The following ABCB1 variants were observed in gnomAD, a reference collection of about 807,000 sequenced individuals.
The protein encoded by ABCB1 is ATP-dependent translocase ABCB1.
In ABCB1, 69 loss-of-function variants were observed where a neutral mutation model predicts 142.0. The observed-to-expected ratio is 0.49, with a 90% CI of 0.40 to 0.59. The LOEUF is 0.59. ABCB1 is among the 20% of genes least tolerant of loss of function. The pLI is 0.00. For missense variants in ABCB1, 1,326 were observed against 1,554.7 expected (o/e 0.85, Z 2.47); for synonymous variants, 532 against 539.2 (o/e 0.99, Z 0.18).
In ABCB1 at chr7:87,689,155, A is replaced by G. The variant is rs542637353; in HGVS notation, c.-331+24006T>C. The stretch of plus-strand genomic sequence containing the variant: ...CTATGAAAAGAGTTAAATAAATTCT[A>G]TTATTGATAAAATTATCTGAGATTT... On this transcript the variant is annotated intron_variant, in intron 1 of 28. Coordinates refer to the ABCB1 transcript ENST00000265724. Among the ~76,000 whole-genome samples, 10 of 152,212 alleles carry G rather than the reference A, an allele frequency of 6.6e-5. No individual in the cohort carries two copies. In the South Asian group the frequency reaches 1.9e-3, roughly 28 times the overall value.
intron 21 of ABCB1, among the ~76,000 whole-genome samples, chr7:87,526,849 C>T (rs1815803729): frequency 6.6e-6 from 1 of 152,146 alleles, no homozygotes; most frequent in Admixed American, 6.5e-5. Flanking sequence ...AACAGCTTTA[C>T]ACATAAGAGC....
chr7:87,516,629 C>T lies in ABCB1; in HGVS notation c.2964G>A (p.Val988=). 1 of 1,613,892 alleles carries T rather than the reference C, an allele frequency of 6.2e-7. No homozygotes were observed. The highest frequency in any genetic ancestry group is 8.5e-7 in the Non-Finnish European group (1 of 1,180,010). ...FSAVVFGAMA[V]GQVSSFAPDY... The stretch of plus-strand genomic sequence containing the variant: ...CAGGAGCAAATGAACTGACTTGCCC[C>T]ACGGCCATGGCACCAAAGACAACAG... Residue 988 remains valine, a synonymous_variant, in exon 24 of 28, where the codon GTG becomes GTA. Transcript: ENST00000622132.
At chr7:87,548,756 C>T (rs546575554) in intron 14 of ABCB1, among the ~76,000 whole-genome samples, 8 of 152,140 alleles carry the variant, frequency 5.3e-5, no homozygotes, top group South Asian at 2.1e-4. Flanking sequence ...CACTCAAATG[C>T]TATTTGGTGA....
At chr7:87,593,052 G>A (rs1278649930) in intron 3 of ABCB1, among the ~76,000 whole-genome samples, 3 of 150,926 alleles carry the variant, frequency 2.0e-5, no homozygotes, top group Admixed American at 6.6e-5. Flanking sequence ...TCAGCCTCCC[G>A]AGTAGCTGAG....
chr7:87,703,888 TTTTTTTTTTTTTTTTTTTTTTTTTGG>T, intron 1 of ABCB1, among the ~76,000 whole-genome samples: 3 of 100,850 alleles, frequency 3.0e-5, no homozygotes, highest in Non-Finnish European at 3.9e-5. Flanking sequence ...GTTTTTTCTT[TTTTTTTTTTTTTTTTTTTTTTTTTGG>T]TTTTTTTTTT....
At chr7:87,547,368 T>TA (rs1816829001) in intron 14 of ABCB1, among the ~76,000 whole-genome samples, 1 of 152,224 alleles carries the variant, frequency 6.6e-6, no homozygotes, top group African/African-American at 2.4e-5. Flanking sequence ...TTTTAAAATA[T>TA]AACCTTTTAA....
intron 1 of ABCB1, among the ~76,000 whole-genome samples, chr7:87,638,327 AAGTT>A (rs1251909078): frequency 6.8e-6 from 1 of 146,212 alleles, no homozygotes; most frequent in Non-Finnish European, 1.5e-5. Flanking sequence ...TTTATAAAAC[AAGTT>A]AGGAAGTATG....
upstream of ABCB1, among the ~76,000 whole-genome samples, chr7:87,602,186 G>T (rs1341255756): frequency 6.6e-6 from 1 of 151,752 alleles, no homozygotes; most frequent in Non-Finnish European, 1.5e-5. Context: ...GTAGAGACTG[G>T]GTTTCACTGT....
chr7:87,555,725 T>G (rs1343718352), intron 8 of ABCB1, among the ~76,000 whole-genome samples: 1 of 152,096 alleles, frequency 6.6e-6, no homozygotes. Flanking sequence ...TATATACACA[T>G]ATGCACACAC....
intron 1 of ABCB1, among the ~76,000 whole-genome samples, chr7:87,611,528 C>T (rs1477063743): frequency 6.6e-6 from 1 of 151,990 alleles, no homozygotes; most frequent in Non-Finnish European, 1.5e-5. Context: ...CCAGCTGCAT[C>T]CACATTGCTG....
chr7:87,520,344 A>G (rs953640123), intron 22 of ABCB1, among the ~76,000 whole-genome samples: 2 of 152,142 alleles, frequency 1.3e-5, no homozygotes, highest in African/African-American at 2.4e-5. Context: ...CACTGGGATG[A>G]CTGTATTAAA....
chr7:87,565,690 T>C (rs868324141), intron 7 of ABCB1, among the ~76,000 whole-genome samples: 3 of 151,094 alleles, frequency 2.0e-5, no homozygotes, highest in Non-Finnish European at 4.4e-5. Context: ...TAAACTTGAG[T>C]CTCTACTTGC....
intron 1 of ABCB1, among the ~76,000 whole-genome samples, chr7:87,694,388 T>G (rs1437886665): frequency 1.3e-5 from 2 of 152,212 alleles, no homozygotes; most frequent in Non-Finnish European, 2.9e-5. Flanking sequence ...ATTTACTTAT[T>G]CAAACCTTTT....
chr7:87,702,059 C>T (rs921187246), intron 1 of ABCB1, among the ~76,000 whole-genome samples: 16 of 135,546 alleles, frequency 1.2e-4, no homozygotes, highest in Admixed American at 1.0e-3. Context: ...AGGAGAATGG[C>T]GTGAACCCAG....
rs776875893 is a variant in ABCB1, at chr7:87,544,283, A to T, written c.2065-8T>A. 2 of 1,612,268 alleles carry T rather than the reference A, an allele frequency of 1.2e-6. No homozygotes were observed. The highest frequency in any genetic ancestry group is 1.7e-5 in the Admixed American group (1 of 59,980). On this transcript the variant is annotated splice_polypyrimidine_tract_variant and splice_region_variant and intron_variant, in intron 16 of 27. Transcript: ENST00000622132. ...TGGAGGTATACTTTCATCCTAGAAA[A>T]CACAAATTATTACAACAGGCTAGTT...
At chr7:87,561,436 T>C (rs1268095606) in intron 7 of ABCB1, 49 bp from the exon 8 acceptor site, 2 of 1,536,560 alleles carry the variant, frequency 1.3e-6, no homozygotes, top group East Asian at 2.3e-5. Flanking sequence ...GTTAATTTTA[T>C]CTTTTGTAAA....
At chr7:87,680,192 C>G (rs1156579885) in intron 1 of ABCB1, among the ~76,000 whole-genome samples, 5 of 150,376 alleles carry the variant, frequency 3.3e-5, no homozygotes, top group African/African-American at 1.2e-4. Context: ...CATGTCCCTG[C>G]AAAGGACATG....
chr7:87,641,759 G>C (rs1822480868), intron 1 of ABCB1, among the ~76,000 whole-genome samples: 1 of 152,138 alleles, frequency 6.6e-6, no homozygotes, highest in Non-Finnish European at 1.5e-5. Flanking sequence ...ACATTTTGTT[G>C]TTTTAGCTAA....
At chr7:87,582,698 A>G (rs1224296527) in intron 4 of ABCB1, among the ~76,000 whole-genome samples, 1 of 152,272 alleles carries the variant, frequency 6.6e-6, no homozygotes, top group African/African-American at 2.4e-5. Flanking sequence ...TAGGCTGCTT[A>G]CATTCATAAA....
Sources: allele counts gnomAD v4.1 joint callset (sites outside exome capture counted in the v4.1 genomes callset), GRCh38; gene constraint gnomAD v4.1.1; transcripts MANE v1.5; gene names NCBI Gene and HGNC (gene_info 2026-07-23, HGNC 2026-07-21).